SRGAP3: variants seen among roughly 807,000 people sequenced by gnomAD.
SRGAP3 encodes the protein SLIT-ROBO Rho GTPase activating protein 3.
SRGAP3 carries 39 observed loss-of-function variants against 121.1 expected under a neutral mutation model. The ratio of observed to expected loss-of-function variants is 0.32; its 90% CI spans 0.25 to 0.42. The LOEUF (loss-of-function observed/expected upper bound fraction) is 0.42, where lower values mean the gene tolerates loss of function less well. Ranked by LOEUF, SRGAP3 falls within the 10% of genes least tolerant of loss-of-function variation. The pLI, the probability that SRGAP3 is intolerant of heterozygous loss-of-function variation, is 1.00. For synonymous variants in SRGAP3, 601 were observed against 570.0 expected (o/e 1.05, Z -0.77); for missense variants, 1,213 against 1,470.6 (o/e 0.82, Z 2.86).
At chr3:9,323,565 C>A (rs1955470089) in intron 3 of SRGAP3, among the ~76,000 whole-genome samples, 1 of 151,610 alleles carries the variant, frequency 6.6e-6, no homozygotes, top group Admixed American at 6.6e-5. Flanking sequence ...AGATTCAGGT[C>A]TAGTAGCAGG....
At chr3:9,119,511 G>C (rs1476761750) in intron 2 of SRGAP3, among the ~76,000 whole-genome samples, 2 of 152,144 alleles carry the variant, frequency 1.3e-5, no homozygotes, top group Admixed American at 6.5e-5. Context: ...CTTAAACCAC[G>C]CTTCCTCCAG....
chr3:9,130,342 C>G (rs113612602), intron 1 of SRGAP3, among the ~76,000 whole-genome samples: 1 of 152,214 alleles, frequency 6.6e-6, no homozygotes, highest in Non-Finnish European at 1.5e-5. Context: ...ACAAACTACA[C>G]AGGTCCCCTC....
rs553770610 is a variant in SRGAP3, at chr3:9,338,272, A to G, written n.215-7676T>C. On this transcript the variant is annotated intron_variant and non_coding_transcript_variant, in intron 1 of 3. Transcript: ENST00000490889. ...TGCATATATAGATTCTAAATAAAAAAAGAGTAGTAGAAACCTCCACAGTTT... is the reference window on the plus strand; with the variant it reads ...TGCATATATAGATTCTAAATAAAAAGAGAGTAGTAGAAACCTCCACAGTTT... 1.1e-4 allele frequency among the ~76,000 whole-genome samples: 17 copies of G among 152,322 alleles called. No homozygotes were observed. In the South Asian group the frequency reaches 2.7e-3, roughly 24 times the overall value.
chr3:9,024,270 A>G (rs1221611707), intron 14 of SRGAP3, among the ~76,000 whole-genome samples: 1 of 152,244 alleles, frequency 6.6e-6, no homozygotes, highest in African/African-American at 2.4e-5. Flanking sequence ...ACCTTTTCAA[A>G]TATTGGAAAA....
intron 1 of SRGAP3, among the ~76,000 whole-genome samples, chr3:9,358,612 C>A (rs953160103): frequency 6.6e-6 from 1 of 152,170 alleles, no homozygotes; most frequent in Admixed American, 6.5e-5. Flanking sequence ...AATGTCAGAT[C>A]CTACAGGTTA....
chr3:9,265,596 G>A (rs1470171317), intron 3 of SRGAP3, among the ~76,000 whole-genome samples: 1 of 152,066 alleles, frequency 6.6e-6, no homozygotes, highest in Non-Finnish European at 1.5e-5. Context: ...AGACATTTAT[G>A]CGGCCTACAA....
intron 1 of SRGAP3, among the ~76,000 whole-genome samples, chr3:9,345,696 G>A (rs903527432): frequency 7.3e-6 from 1 of 137,386 alleles, no homozygotes; most frequent in Non-Finnish European, 1.5e-5. Context: ...TGAGGCAGGA[G>A]AATCACTTGA....
At chr3:9,302,690 T>C (rs993886635) in intron 3 of SRGAP3, among the ~76,000 whole-genome samples, 2 of 152,184 alleles carry the variant, frequency 1.3e-5, no homozygotes, top group African/African-American at 2.4e-5. Context: ...GCCAGGTTCT[T>C]GCAGTGAGGA....
At chr3:9,287,696 C>A (rs887178335) in intron 3 of SRGAP3, among the ~76,000 whole-genome samples, 2 of 152,180 alleles carry the variant, frequency 1.3e-5, no homozygotes, top group East Asian at 1.9e-4. Context: ...AAAGCCCAGA[C>A]TTCAACATTA....
chr3:9,014,986 G>A (rs960515511), intron 15 of SRGAP3: 1 of 152,596 alleles, frequency 6.6e-6, no homozygotes, highest in Non-Finnish European at 1.5e-5. Context: ...CAGCTCCCTA[G>A]ACTGGGTTCC....
At chr3:9,237,550 G>A (rs1160560494) in intron 1 of SRGAP3, among the ~76,000 whole-genome samples, 1 of 152,234 alleles carries the variant, frequency 6.6e-6, no homozygotes, top group Non-Finnish European at 1.5e-5. Context: ...AGATGGGTTA[G>A]TCTGCAGGTG....
chr3:9,162,302 T>C (rs1486124895), intron 1 of SRGAP3, among the ~76,000 whole-genome samples: 4 of 152,180 alleles, frequency 2.6e-5, no homozygotes, highest in Non-Finnish European at 5.9e-5. Context: ...TTTTATGTTA[T>C]GTCTATTTTG....
At chr3:9,207,358 G>A (rs1192520389) in intron 1 of SRGAP3, among the ~76,000 whole-genome samples, 1 of 152,158 alleles carries the variant, frequency 6.6e-6, no homozygotes, top group Non-Finnish European at 1.5e-5. Flanking sequence ...ACTAGATTTG[G>A]GTTGAACCTG....
At chr3:9,113,148 G>A (rs1948691155) in intron 2 of SRGAP3, among the ~76,000 whole-genome samples, 1 of 152,190 alleles carries the variant, frequency 6.6e-6, no homozygotes, top group East Asian at 1.9e-4. Context: ...GCATGGGGCT[G>A]CGTACTAGTT....
At chr3:8,986,540 T>C (rs1259348753) in intron 21 of SRGAP3, among the ~76,000 whole-genome samples, 1 of 152,204 alleles carries the variant, frequency 6.6e-6, no homozygotes, top group Non-Finnish European at 1.5e-5. Flanking sequence ...AAGCTCAGAC[T>C]GGTTAAGTAA....
At chr3:9,288,158 CAG>C (rs1389986060) in intron 3 of SRGAP3, among the ~76,000 whole-genome samples, 1 of 117,374 alleles carries the variant, frequency 8.5e-6, no homozygotes, top group Non-Finnish European at 1.7e-5. Context: ...TCTTTGGAGA[CAG>C]AGTTTCACTT....
intron 1 of SRGAP3, among the ~76,000 whole-genome samples, chr3:9,234,633 G>A (rs952483982): frequency 1.4e-4 from 21 of 152,168 alleles, no homozygotes; most frequent in Non-Finnish European, 2.5e-4. Context: ...CTTTCTATTT[G>A]ACAAATGGTT....
In SRGAP3 at chr3:9,057,567, C is replaced by A. The variant is rs1368234810; in HGVS notation, c.1023+684G>T. 2.0e-5 allele frequency among the ~76,000 whole-genome samples: 3 copies of A among 152,162 alleles called. No individual in the cohort carries two copies. The East Asian group carries it at 5.8e-4, about 29-fold the overall frequency. Reference sequence around the variant, plus strand: ...GCCCCTCCCCTCCCAGCAGGTGCCACGGGTGGCCCAGCTGAGCCTCACTGG... The same window carrying A: ...GCCCCTCCCCTCCCAGCAGGTGCCAAGGGTGGCCCAGCTGAGCCTCACTGG... On this transcript the variant is annotated intron_variant, in intron 7 of 21. Coordinates refer to ENST00000383836, the MANE Select transcript of SRGAP3 (RefSeq NM_014850.4).
At chr3:9,075,858 A>T (rs770454444) in intron 4 of SRGAP3, among the ~76,000 whole-genome samples, 1 of 152,196 alleles carries the variant, frequency 6.6e-6, no homozygotes, top group Non-Finnish European at 1.5e-5. Flanking sequence ...CCTAGCAATG[A>T]AGCATGAATT....
Sources: allele counts gnomAD v4.1 joint callset (sites outside exome capture counted in the v4.1 genomes callset), GRCh38; gene constraint gnomAD v4.1.1; transcripts MANE v1.5; gene names NCBI Gene and HGNC (gene_info 2026-07-23, HGNC 2026-07-21).